The following FLI1 variants were observed in gnomAD, a reference collection of about 807,000 sequenced individuals.
FLI1 encodes Fli-1 proto-oncogene, ETS transcription factor, also known as Friend leukemia integration 1 transcription factor.
Under a neutral mutation model 53.1 loss-of-function variants are expected in FLI1, and 13 were observed. That is an observed-to-expected ratio of 0.24 (90% CI 0.16 to 0.39). The LOEUF is 0.39. Ranked by LOEUF, FLI1 falls within the 10% of genes least tolerant of loss-of-function variation. FLI1 has a pLI of 1.00. For missense variants in FLI1, 424 were observed against 600.5 expected (o/e 0.71, Z 3.07); for synonymous variants, 244 against 236.7 (o/e 1.03, Z -0.28).
At position 128,810,905 on chromosome 11, in the gene FLI1, C is replaced by A; in HGVS notation, c.1276C>A (p.Pro426Thr). The change falls in exon 9 of 9, where the codon CCC becomes ACC. Residue 426 changes from proline (P) to threonine (T), a missense_variant. Coordinates refer to ENST00000527786, the MANE Select transcript of FLI1 (RefSeq NM_002017.5). This position sits in a 1 kb window ranked among gnomAD's most constrained non-coding sequence, Gnocchi z 6.6. ...FGAASQYWTS[P>T]TGGIYPNPNV... ...AGCCGCATCACAATACTGGACCTCC[C>A]CCACGGGGGGAATCTACCCCAACCC... 6.2e-7 allele frequency: 1 copy of A among 1,614,052 alleles called. No homozygotes were observed.
chr11:128,782,850 G>A (rs767843564), intron 5 of FLI1, among the ~76,000 whole-genome samples: 6 of 152,172 alleles, frequency 3.9e-5, no homozygotes, highest in East Asian at 1.9e-4. Context: ...ATTCCTCAGC[G>A]TCTTTATGAA....
chr11:128,751,811 G>GTTTTTTTATTTTGGTTTT (rs1256488777), intron 1 of FLI1, among the ~76,000 whole-genome samples: 1 of 135,184 alleles, frequency 7.4e-6, no homozygotes. Flanking sequence ...TACAGGCGTG[G>GTTTTTTTATTTTGGTTTT]GTTTTTTTTT....
At chr11:128,706,598 G>C (rs1938556197) in intron 1 of FLI1, among the ~76,000 whole-genome samples, 1 of 152,204 alleles carries the variant, frequency 6.6e-6, no homozygotes, top group Non-Finnish European at 1.5e-5. Context: ...GCCCCTGGAA[G>C]CAGAACTCAA....
chr11:128,794,689 A>G (rs1371950777), intron 5 of FLI1, among the ~76,000 whole-genome samples: 1 of 152,274 alleles, frequency 6.6e-6, no homozygotes, highest in African/African-American at 2.4e-5. Context: ...TGGAGAAAAG[A>G]AAGTCCTTGA....
chr11:128,703,679 C>T (rs1308862947), intron 1 of FLI1, among the ~76,000 whole-genome samples: 1 of 151,854 alleles, frequency 6.6e-6, no homozygotes, highest in Non-Finnish European at 1.5e-5. Flanking sequence ...TCTACCTCTA[C>T]TAAAAATACA....
intron 5 of FLI1, among the ~76,000 whole-genome samples, chr11:128,788,152 A>G (rs1298055552): frequency 2.0e-5 from 3 of 152,142 alleles, no homozygotes; most frequent in African/African-American, 7.2e-5. Context: ...AGGATACTAT[A>G]CATAGATAGC....
chr11:128,690,387 G>A (rs1323721463), upstream of FLI1, among the ~76,000 whole-genome samples: 2 of 152,162 alleles, frequency 1.3e-5, no homozygotes, highest in African/African-American at 4.8e-5. Context: ...AGTTTCAAGT[G>A]ACGGAGCCAC....
chr11:128,799,527 A>C (rs1047538318), intron 5 of FLI1, among the ~76,000 whole-genome samples: 1 of 152,178 alleles, frequency 6.6e-6, no homozygotes, highest in Non-Finnish European at 1.5e-5. Context: ...GAGCAACATG[A>C]CCAAGGTCAC....
At chr11:128,780,215 A>G (rs1357989679) in intron 4 of FLI1, among the ~76,000 whole-genome samples, 1 of 152,218 alleles carries the variant, frequency 6.6e-6, no homozygotes, top group East Asian at 1.9e-4. Context: ...ACACTTTGGC[A>G]TACAGCGGGC....
chr11:128,766,197 G>A (rs1302564582), intron 2 of FLI1, among the ~76,000 whole-genome samples: 1 of 152,208 alleles, frequency 6.6e-6, no homozygotes, highest in Non-Finnish European at 1.5e-5. Flanking sequence ...AGGCACCAGG[G>A]TCTGACTGGG....
At chr11:128,784,268 C>CCTCCTCCTCCTCCTG (rs1331908622) in intron 5 of FLI1, among the ~76,000 whole-genome samples, 10 of 130,286 alleles carry the variant, frequency 7.7e-5, no homozygotes, top group African/African-American at 2.9e-4. Flanking sequence ...TCCTCCTCCT[C>CCTCCTCCTCCTCCTG]CTGCTGTCTT....
chr11:128,783,981 A>T (rs1171214467), intron 5 of FLI1, among the ~76,000 whole-genome samples: 5 of 151,918 alleles, frequency 3.3e-5, no homozygotes, highest in African/African-American at 7.2e-5. Flanking sequence ...AAGCAAGGCT[A>T]TAAGGAAGGA....
At chr11:128,806,101 C>G (rs948714791) in intron 6 of FLI1, 1 of 152,058 alleles carries the variant, frequency 6.6e-6, no homozygotes, top group African/African-American at 2.4e-5. Context: ...AGCACATGAA[C>G]AGGTGGTAAA....
intron 5 of FLI1, among the ~76,000 whole-genome samples, chr11:128,794,613 ACT>A (rs777910442): frequency 4.6e-5 from 7 of 151,986 alleles, no homozygotes; most frequent in Non-Finnish European, 1.0e-4. Flanking sequence ...AGATTGAATA[ACT>A]CTCTCTCTTC....
At chr11:128,730,627 A>T (rs1939657434) in intron 1 of FLI1, among the ~76,000 whole-genome samples, 1 of 152,150 alleles carries the variant, frequency 6.6e-6, no homozygotes, top group Admixed American at 6.5e-5. Flanking sequence ...TCAAGCCCTG[A>T]CACCCACTCC....
chr11:128,744,693 G>A (rs1940299412), intron 1 of FLI1, among the ~76,000 whole-genome samples: 3 of 152,198 alleles, frequency 2.0e-5, no homozygotes, highest in African/African-American at 7.2e-5. Context: ...CCCTGTGGGT[G>A]CTGTCATTGT....
intron 1 of FLI1, among the ~76,000 whole-genome samples, chr11:128,729,942 T>C (rs1300296045): frequency 6.6e-6 from 1 of 152,258 alleles, no homozygotes; most frequent in African/African-American, 2.4e-5. Context: ...GTTGATTAAG[T>C]GGCCCTGTGT....
chr11:128,758,139 G>T lies in FLI1; in HGVS notation c.43G>T (p.Asp15Tyr). 1.2e-6 allele frequency: 2 copies of T among 1,612,978 alleles called. No homozygotes were observed. The highest frequency in any genetic ancestry group is 1.1e-5 in the South Asian group (1 of 90,808). The change falls in exon 2 of 9, where the codon GAC becomes TAC. Residue 15 changes from aspartate to tyrosine, a missense_variant. By Grantham distance (160) the Asp-to-Tyr change is radical. Around this residue, in one of 5 missense-constraint regions of FLI1, gnomAD observed 137 missense variants for 169.1 expected, o/e 0.81. Coordinates refer to ENST00000527786, the MANE Select transcript of FLI1 (RefSeq NM_002017.5). ...GGAGGCTCTGTCGGTGGTGAGCGAC[G>T]ACCAGTCCCTCTTTGACTCAGCGTA... The part of the protein sequence containing the change: ...IKEALSVVSD[D>Y]QSLFDSAYGA...
At chr11:128,687,511 A>G (rs1346634826) in intron 1 of FLI1, among the ~76,000 whole-genome samples, 1 of 151,930 alleles carries the variant, frequency 6.6e-6, no homozygotes, top group African/African-American at 2.4e-5. Context: ...CGGAGGAGGA[A>G]GGACTCTCCG....
Sources: allele counts gnomAD v4.1 joint callset (sites outside exome capture counted in the v4.1 genomes callset), GRCh38; gene constraint gnomAD v4.1.1; regional missense constraint gnomAD v4.1.1; non-coding constraint Gnocchi (gnomAD v3.1); transcripts MANE v1.5; gene names NCBI Gene and HGNC (gene_info 2026-07-23, HGNC 2026-07-21).